Variants in STPG2 observed in about 807,000 individuals in gnomAD.
The protein encoded by STPG2 is sperm tail PG-rich repeat containing 2, also known as sperm-tail PG-rich repeat-containing protein 2.
STPG2 carries 56 observed loss-of-function variants against 54.2 expected under a neutral mutation model. The ratio of observed to expected loss-of-function variants is 1.03; its 90% CI spans 0.83 to 1.29. The LOEUF (loss-of-function observed/expected upper bound fraction) is 1.29. Among genes scored for constraint, STPG2 ranks in the 50% most tolerant of loss-of-function variants. STPG2 has a pLI of 0.00. For missense variants in STPG2, 596 were observed against 544.9 expected, an observed-to-expected ratio of 1.09 and a Z score of -0.93; for synonymous variants, 200 against 181.8, an observed-to-expected ratio of 1.10 and a Z score of -0.81.
intron 4 of STPG2, among the ~76,000 whole-genome samples, chr4:97,512,090 A>G (rs1368562127): frequency 1.3e-5 from 2 of 152,068 alleles, no homozygotes; most frequent in Non-Finnish European, 2.9e-5. Flanking sequence ...GTCATATAAG[A>G]AAATTGGACT....
chr4:97,849,084 C>A (rs1192601186), intron 8 of STPG2, among the ~76,000 whole-genome samples: 1 of 151,118 alleles, frequency 6.6e-6, no homozygotes, highest in Non-Finnish European at 1.5e-5. Flanking sequence ...TGTAAATTAC[C>A]TTGGGCAGTA....
At chr4:97,593,665 C>T (rs559157096) in intron 10 of STPG2, among the ~76,000 whole-genome samples, 2 of 152,252 alleles carry the variant, frequency 1.3e-5, no homozygotes, top group South Asian at 4.2e-4. Flanking sequence ...CCCCTGTACC[C>T]CACCACACTG....
chr4:97,782,289 C>T (rs1351307928), intron 9 of STPG2, among the ~76,000 whole-genome samples: 2 of 152,098 alleles, frequency 1.3e-5, no homozygotes, highest in Non-Finnish European at 2.9e-5. Flanking sequence ...ACACCAATAA[C>T]AGACAGAGAG....
chr4:97,483,521 T>C (rs1485956607), intron 4 of STPG2, among the ~76,000 whole-genome samples: 2 of 151,532 alleles, frequency 1.3e-5, no homozygotes, highest in Non-Finnish European at 3.0e-5. Context: ...AACAGGAAAA[T>C]ATCATAATCC....
intron 10 of STPG2, among the ~76,000 whole-genome samples, chr4:97,613,518 G>A (rs968354281): frequency 1.2e-4 from 17 of 139,854 alleles, no homozygotes; most frequent in African/African-American, 4.4e-4. Flanking sequence ...GTGTGTGTGT[G>A]TATGCACGTG....
intron 5 of STPG2, among the ~76,000 whole-genome samples, chr4:98,082,921 C>T (rs928951385): frequency 3.3e-5 from 5 of 152,290 alleles, no homozygotes; most frequent in Non-Finnish European, 7.4e-5. Context: ...AATAAATCTA[C>T]TCCATGTGTA....
At chr4:97,816,781 T>C (rs895113113) in intron 9 of STPG2, among the ~76,000 whole-genome samples, 2 of 151,252 alleles carry the variant, frequency 1.3e-5, no homozygotes, top group Admixed American at 1.3e-4. Context: ...TCTTTTTCTT[T>C]CACTCTCTTT....
chr4:98,140,443 A>G (rs1156619145), intron 1 of STPG2, among the ~76,000 whole-genome samples: 1 of 152,236 alleles, frequency 6.6e-6, no homozygotes, highest in Non-Finnish European at 1.5e-5. Flanking sequence ...AGGAAAAACA[A>G]GTAATATTTT....
chr4:97,584,225 G>A (rs973133839), intron 10 of STPG2, among the ~76,000 whole-genome samples: 4 of 151,846 alleles, frequency 2.6e-5, no homozygotes, highest in Admixed American at 6.6e-5. Context: ...AACTCCAAAA[G>A]AAACCCTCAA....
chr4:97,812,836 T>C (rs934503608), intron 9 of STPG2, among the ~76,000 whole-genome samples: 5 of 152,210 alleles, frequency 3.3e-5, no homozygotes, highest in Admixed American at 2.6e-4. Context: ...TTTGTATTTA[T>C]ATGTTCAAAT....
intron 5 of STPG2, among the ~76,000 whole-genome samples, chr4:97,993,018 A>G (rs1264403111): frequency 3.9e-5 from 6 of 152,130 alleles, no homozygotes. Flanking sequence ...TGATAATGTC[A>G]TCAGCAAATA....
intron 5 of STPG2, among the ~76,000 whole-genome samples, chr4:98,095,907 T>C (rs1593570): frequency 0.4 from 60,191 of 152,028 alleles, 12,161 homozygotes; most frequent in Middle Eastern, 0.46. Context: ...ATAGACTATA[T>C]GTTAGTCCAC....
At chr4:97,660,539 G>A (rs1722349544) in intron 10 of STPG2, among the ~76,000 whole-genome samples, 1 of 152,160 alleles carries the variant, frequency 6.6e-6, no homozygotes, top group African/African-American at 2.4e-5. Context: ...GAAAGGATGA[G>A]TTCTCTCTTG....
At chr4:97,846,998 T>C (rs1387628312) in intron 8 of STPG2, among the ~76,000 whole-genome samples, 1 of 152,218 alleles carries the variant, frequency 6.6e-6, no homozygotes, top group Non-Finnish European at 1.5e-5. Flanking sequence ...TAGAACTTCT[T>C]TTACAATGAA....
chr4:98,046,340 T>C (rs1224056756), intron 5 of STPG2, among the ~76,000 whole-genome samples: 2 of 152,302 alleles, frequency 1.3e-5, no homozygotes, highest in African/African-American at 4.8e-5. Flanking sequence ...TGAGGGCCAG[T>C]TTCTGGAGCT....
chr4:97,758,231 AAAAGGG>A (rs1725787833), intron 9 of STPG2, among the ~76,000 whole-genome samples: 1 of 152,178 alleles, frequency 6.6e-6, no homozygotes, highest in African/African-American at 2.4e-5. Context: ...TGTGTAAAAG[AAAAGGG>A]AAAGGGAAAG....
At chr4:97,444,972 G>A (rs536692884) in intron 4 of STPG2, among the ~76,000 whole-genome samples, 1 of 152,322 alleles carries the variant, frequency 6.6e-6, no homozygotes, top group Non-Finnish European at 1.5e-5. Context: ...AGGAGGCAGA[G>A]CTTGCAGTGA....
At chr4:97,740,478 A>C (rs2149035955) in intron 9 of STPG2, among the ~76,000 whole-genome samples, 1 of 152,278 alleles carries the variant, frequency 6.6e-6, no homozygotes, top group Middle Eastern at 3.4e-3. Context: ...GTCTCAGCCC[A>C]AAATCTCCTT....
rs1021815055 is a variant in STPG2 at position 97,904,887 on chromosome 4, T to C, written c.1044+39010A>G. Among the ~76,000 whole-genome samples the C allele has an allele frequency of 7.2e-5, 11 of 151,984 alleles. No individual in the cohort carries two copies. In the South Asian group the frequency reaches 1.0e-3, roughly 14 times the overall value. ...GGAAGATGAAATGAATGAAATGAAG[T>C]GAGAAGGGAACTTTAGAGAAAAAGA... On this transcript the variant is annotated intron_variant, in intron 8 of 10. Transcript: ENST00000295268.
Sources: allele counts gnomAD v4.1 joint callset (sites outside exome capture counted in the v4.1 genomes callset), GRCh38; gene constraint gnomAD v4.1.1; transcripts MANE v1.5; gene names NCBI Gene and HGNC (gene_info 2026-07-23, HGNC 2026-07-21).